Variants in IGSF21 observed in about 807,000 individuals in gnomAD.
The protein encoded by IGSF21 is immunoglobulin superfamily member 21.
Under a neutral mutation model 46.8 loss-of-function variants are expected in IGSF21, and 28 were observed. That is an observed-to-expected ratio of 0.60 (90% CI 0.44 to 0.82). The LOEUF is 0.82. IGSF21 is among the 40% of genes least tolerant of loss of function. The pLI, the probability that IGSF21 is intolerant of heterozygous loss-of-function variation, is 0.00. For synonymous variants in IGSF21, 284 were observed against 273.6 expected, an observed-to-expected ratio of 1.04 and a Z score of -0.38; for missense variants, 624 against 665.5, an observed-to-expected ratio of 0.94 and a Z score of 0.69.
chr1:18,259,370 G>A (rs2084919898), intron 2 of IGSF21, among the ~76,000 whole-genome samples: 1 of 152,184 alleles, frequency 6.6e-6, no homozygotes, highest in South Asian at 2.1e-4. Context: ...ACTCATTGTG[G>A]ACAGTAGGTG....
intron 3 of IGSF21, among the ~76,000 whole-genome samples, chr1:18,316,298 G>A (rs1040484297): frequency 6.6e-6 from 1 of 152,224 alleles, no homozygotes; most frequent in Non-Finnish European, 1.5e-5. Context: ...TGAGGCCAGA[G>A]GGAATGAGTT....
chr1:18,228,064 C>A, intron 2 of IGSF21, 54 bp downstream of exon 2: 1 of 1,342,228 alleles, frequency 7.5e-7, no homozygotes, highest in South Asian at 1.2e-5. Context: ...GGTGTGAGGT[C>A]CTCAGAGCCC....
At position 18,108,169 on chromosome 1, in the gene IGSF21, T is replaced by C. The variant is rs771300031; in HGVS notation, c.41T>C (p.Leu14Pro). 11 of 1,448,558 alleles carry C rather than the reference T, an allele frequency of 7.6e-6. No individual in the cohort carries two copies. The Middle Eastern group carries it at 9.7e-4, about 128-fold the overall frequency. 89.7% of individuals were successfully genotyped at this position (1,448,558 alleles called of 1,614,324 possible). ...APSLRRCVCL[L>P]LAAILDLARG... is the part of the protein sequence containing the mutation. ...AGCCTCCGCCGCTGCGTCTGCCTGC[T>C]GCTCGCCGCGATCCTGGACCTGGCG... is the stretch of plus-strand genomic sequence containing the variant. The change falls in exon 1 of 10, where the codon CTG becomes CCG. Residue 14 changes from leucine (L) to proline (P), a missense_variant. Transcript: ENST00000251296.
chr1:18,116,264 T>G (rs1009056333), intron 1 of IGSF21, among the ~76,000 whole-genome samples: 2 of 152,130 alleles, frequency 1.3e-5, no homozygotes. Flanking sequence ...TGTTACACAC[T>G]TGCCAGCACA....
At chr1:18,236,682 A>C (rs921773624) in intron 2 of IGSF21, among the ~76,000 whole-genome samples, 3 of 152,158 alleles carry the variant, frequency 2.0e-5, no homozygotes, top group Non-Finnish European at 4.4e-5. Flanking sequence ...AGACCAACAG[A>C]GAGGCTGAGA....
At chr1:18,336,833 G>A (rs111719645) in intron 4 of IGSF21, among the ~76,000 whole-genome samples, 6,813 of 152,232 alleles carry the variant, frequency 0.045, 482 homozygotes, top group African/African-American at 0.15. Flanking sequence ...ACAGTTCCAC[G>A]TGGCTAGGGA....
Position 18,108,121 on chromosome 1 carries a change from C to T in IGSF21, c.-8C>T, listed in dbSNP as rs1449200796. ...CCGCCCCGCCACCGCCGCCAGCTCC[C>T]GGGCACCATGCGAACCGCCCCGAGC... On this transcript the variant is annotated 5_prime_UTR_variant, in exon 1 of 10. Transcript: ENST00000251296. The T allele has an allele frequency of 5.1e-6, 7 of 1,366,456 alleles. No individual in the cohort carries two copies. Among genetic ancestry groups the T allele is most frequent in the Non-Finnish European group, 6.7e-6 (7 of 1,038,974 alleles). The allele number at this position is 1,366,456 out of a possible 1,614,324, so 84.6% of individuals were successfully genotyped here.
At chr1:18,277,227 C>T (rs1197987504) in intron 2 of IGSF21, among the ~76,000 whole-genome samples, 1 of 152,228 alleles carries the variant, frequency 6.6e-6, no homozygotes, top group Non-Finnish European at 1.5e-5. Context: ...CCTCTTGTCT[C>T]AGGCCGATCA....
At chr1:18,295,923 C>T (rs544736058) in intron 3 of IGSF21, among the ~76,000 whole-genome samples, 2 of 152,362 alleles carry the variant, frequency 1.3e-5, no homozygotes, top group African/African-American at 4.8e-5. Context: ...CCTCCTTCAC[C>T]TCGTATGCCC....
chr1:18,122,394 T>G, intron 1 of IGSF21, among the ~76,000 whole-genome samples: 1 of 151,862 alleles, frequency 6.6e-6, no homozygotes, highest in Admixed American at 6.6e-5. Context: ...TTTTGCCATG[T>G]TGGCCAGGCT....
intron 2 of IGSF21, among the ~76,000 whole-genome samples, chr1:18,250,090 C>CCTCCCTTG (rs2084824414): frequency 1.1e-5 from 1 of 93,584 alleles, no homozygotes; most frequent in Admixed American, 1.1e-4. Context: ...TCCCCCACTC[C>CCTCCCTTG]CTCCCTCGCT....
rs138796407 is a variant in IGSF21, at chr1:18,124,349, T to C, written c.70+16151T>C. ...AAAATCTTTGCAACCGCTCAGGAGG[T>C]GCATGCCACTAGTATCCTCATTTTA... On this transcript the variant is annotated intron_variant, in intron 1 of 9. Transcript: ENST00000251296. 2.8e-4 allele frequency among the ~76,000 whole-genome samples: 43 copies of C among 152,294 alleles called. 1 individual carries two copies. In the East Asian group the frequency reaches 8.1e-3, roughly 29 times the overall value.
intron 2 of IGSF21, among the ~76,000 whole-genome samples, chr1:18,257,773 G>T (rs1467198278): frequency 6.6e-6 from 1 of 152,166 alleles, no homozygotes; most frequent in Non-Finnish European, 1.5e-5. Flanking sequence ...AAGGGGGCTG[G>T]AAGAATAGTC....
chr1:18,218,404 A>G (rs1269049583), intron 1 of IGSF21, among the ~76,000 whole-genome samples: 7 of 152,254 alleles, frequency 4.6e-5, no homozygotes. Flanking sequence ...GAGACCACAG[A>G]GCCAAATCAT....
At chr1:18,300,960 A>T (rs1356730569) in intron 3 of IGSF21, among the ~76,000 whole-genome samples, 1 of 152,206 alleles carries the variant, frequency 6.6e-6, no homozygotes, top group Non-Finnish European at 1.5e-5. Context: ...CTCCATGCTC[A>T]GCCCAGCTCC....
intron 2 of IGSF21, among the ~76,000 whole-genome samples, chr1:18,229,826 C>T (rs1170075403): frequency 6.6e-6 from 1 of 152,226 alleles, no homozygotes; most frequent in Non-Finnish European, 1.5e-5. Context: ...TAGCACCTGG[C>T]AGAAGGACAG....
chr1:18,140,288 C>T (rs1434409855), intron 1 of IGSF21, among the ~76,000 whole-genome samples: 1 of 152,198 alleles, frequency 6.6e-6, no homozygotes, highest in African/African-American at 2.4e-5. Context: ...CGCCTAGTTC[C>T]CCAGCAGGGT....
chr1:18,357,147 T>C (rs781002553), intron 4 of IGSF21, among the ~76,000 whole-genome samples: 3 of 138,474 alleles, frequency 2.2e-5, no homozygotes, highest in Admixed American at 1.5e-4. Context: ...GGGGAGGAGA[T>C]TGAGATGGGG....
intron 2 of IGSF21, among the ~76,000 whole-genome samples, chr1:18,259,046 T>A (rs1048980641): frequency 1.3e-5 from 2 of 152,128 alleles, no homozygotes; most frequent in African/African-American, 4.8e-5. Context: ...AAATACATAT[T>A]GAAAGAAATT....
Sources: gnomAD v4.1 joint callset for allele counts (sites outside exome capture counted in the v4.1 genomes callset) on GRCh38, gnomAD v4.1.1 for gene constraint, MANE v1.5 for transcripts, NCBI Gene and HGNC (gene_info 2026-07-23, HGNC 2026-07-21) for gene names.